Variants in MAGI2 observed in about 807,000 individuals in gnomAD.
MAGI2 encodes membrane associated guanylate kinase, WW and PDZ domain containing 2.
In MAGI2, 35 loss-of-function variants were observed where a neutral mutation model predicts 133.3. That is an observed-to-expected ratio of 0.26 (90% confidence interval 0.20 to 0.35). The LOEUF (loss-of-function observed/expected upper bound fraction) is 0.35, where lower values mean the gene tolerates loss of function less well. Ranked by LOEUF, MAGI2 falls within the 10% of genes least tolerant of loss-of-function variation. The probability of loss-of-function intolerance (pLI) is 1.00; values close to 1 mark genes in which losing one functional copy is unlikely to be tolerated. For missense variants in MAGI2, 1,636 were observed against 1,863.4 expected (o/e 0.88, Z 2.25); for synonymous variants, 729 against 710.6 (o/e 1.03, Z -0.41).
chr7:79,087,934 C>G (rs1239418301), intron 1 of MAGI2, among the ~76,000 whole-genome samples: 1 of 152,048 alleles, frequency 6.6e-6, no homozygotes, highest in South Asian at 2.1e-4. Context: ...TAGCGTGATG[C>G]CTCCAGCTTT....
chr7:78,808,325 C>T (rs1195778266), intron 2 of MAGI2, among the ~76,000 whole-genome samples: 1 of 152,028 alleles, frequency 6.6e-6, no homozygotes. Context: ...GGCATGATCT[C>T]GGCTCACTGC....
chr7:78,551,203 A>G (rs879304), intron 3 of MAGI2, among the ~76,000 whole-genome samples: 53,828 of 152,106 alleles, frequency 0.35, 11,725 homozygotes, highest in Non-Finnish European at 0.48. Context: ...ATCAGTATAT[A>G]TTAAATCCAC....
intron 1 of MAGI2, among the ~76,000 whole-genome samples, chr7:79,101,124 A>G (rs1817934567): frequency 6.6e-6 from 1 of 152,138 alleles, no homozygotes; most frequent in Non-Finnish European, 1.5e-5. Flanking sequence ...TTACAAAAAC[A>G]TTATACTTAT....
intron 2 of MAGI2, among the ~76,000 whole-genome samples, chr7:78,777,442 C>T (rs563238866): frequency 6.6e-6 from 1 of 152,214 alleles, no homozygotes; most frequent in South Asian, 2.1e-4. Flanking sequence ...ACCATCATCA[C>T]CACTACCACC....
intron 10 of MAGI2, among the ~76,000 whole-genome samples, chr7:78,223,286 T>A (rs1364955828): frequency 6.6e-6 from 1 of 152,214 alleles, no homozygotes; most frequent in African/African-American, 2.4e-5. Flanking sequence ...TCTTTCATTT[T>A]TCTTAAAATG....
chr7:79,287,246 T>A (rs761478077), intron 1 of MAGI2, among the ~76,000 whole-genome samples: 10 of 152,130 alleles, frequency 6.6e-5, no homozygotes, highest in South Asian at 6.2e-4. Flanking sequence ...CTCTCAAGTT[T>A]GGAAAGTTCT....
intron 6 of MAGI2, among the ~76,000 whole-genome samples, chr7:78,381,567 A>T (rs1794928216): frequency 6.6e-6 from 1 of 152,140 alleles, no homozygotes; most frequent in African/African-American, 2.4e-5. Context: ...AGTGATAAAG[A>T]GCTACTCTCC....
intron 2 of MAGI2, among the ~76,000 whole-genome samples, chr7:78,873,303 G>T (rs538384941): frequency 6.6e-6 from 1 of 152,298 alleles, no homozygotes; most frequent in East Asian, 1.9e-4. Context: ...GGCCTGTTAG[G>T]AATCTGGCTG....
At chr7:78,516,232 C>G (rs568740580) in intron 4 of MAGI2, among the ~76,000 whole-genome samples, 1 of 152,142 alleles carries the variant, frequency 6.6e-6, no homozygotes, top group African/African-American at 2.4e-5. Context: ...AATGGGAGCC[C>G]GTGCTAACAG....
chr7:78,653,700 A>G (rs1162424158), intron 2 of MAGI2, among the ~76,000 whole-genome samples: 1 of 151,872 alleles, frequency 6.6e-6, no homozygotes, highest in Non-Finnish European at 1.5e-5. Flanking sequence ...GGGTGCTGCA[A>G]ACCACCATGG....
chr7:78,926,027 A>G (rs1030043866), intron 2 of MAGI2, among the ~76,000 whole-genome samples: 1 of 151,936 alleles, frequency 6.6e-6, no homozygotes, highest in Non-Finnish European at 1.5e-5. Context: ...TTCATTTTGT[A>G]CATGTAAATC....
intron 2 of MAGI2, among the ~76,000 whole-genome samples, chr7:78,854,058 C>G (rs1448771066): frequency 2.0e-5 from 3 of 151,986 alleles, no homozygotes; most frequent in Admixed American, 2.0e-4. Flanking sequence ...ATCTACAATC[C>G]TTTCTGGGGA....
Position 78,418,622 on chromosome 7 carries a change from C to T in MAGI2, c.1046-49409G>A, listed in dbSNP as rs556919398. Among the ~76,000 whole-genome samples, 15 of 152,242 alleles carry T rather than the reference C, an allele frequency of 9.9e-5. No individual in the cohort carries two copies. The South Asian group carries it at 2.7e-3, about 27-fold the overall frequency. On this transcript the variant is annotated intron_variant, in intron 6 of 21. Coordinates refer to ENST00000354212, the MANE Select transcript of MAGI2 (RefSeq NM_012301.4). ...TGGTTAACTTAAATGTAAATAGCCA[C>T]ATGTGCCTAGCAGCTGCTCTTTTGG...
chr7:78,894,452 A>G (rs1312727965), intron 2 of MAGI2, among the ~76,000 whole-genome samples: 1 of 152,174 alleles, frequency 6.6e-6, no homozygotes, highest in Non-Finnish European at 1.5e-5. Context: ...ATTGGGGCCC[A>G]GGATTAAAAA....
intron 2 of MAGI2, among the ~76,000 whole-genome samples, chr7:78,866,932 T>G (rs968259029): frequency 6.6e-6 from 1 of 151,968 alleles, no homozygotes; most frequent in Non-Finnish European, 1.5e-5. Flanking sequence ...CAAAAACACA[T>G]GAAAAAATGC....
rs1316828084 is a variant in MAGI2, at chr7:78,703,548, T to C, written c.419-76309A>G. ...CATAACTCTGACTGTAAAGATAATA[T>C]GACTGTTCTAGATACAACAGTGGTT... On this transcript the variant is annotated intron_variant, in intron 2 of 21. Transcript: ENST00000354212. 2.0e-5 allele frequency among the ~76,000 whole-genome samples: 3 copies of C among 152,034 alleles called. No homozygotes were observed. In the East Asian group the frequency reaches 5.8e-4, roughly 29 times the overall value.
Position 78,562,583 on chromosome 7 carries a change from GATTC to G in MAGI2, c.539-40942_539-40939del, listed in dbSNP as rs370765687. ...TAAGTGACCCAAACTTAATCATCAT[GATTC>G]ATTCTTTTTCTCAGTGAAACAGGTA... On this transcript the variant is annotated intron_variant, in intron 3 of 21. Transcript: ENST00000354212. Among the ~76,000 whole-genome samples the G allele has an allele frequency of 2.9e-3, 436 of 152,290 alleles. 1 individual carries two copies. Among genetic ancestry groups the G allele is most frequent in the Middle Eastern group, 0.017 (5 of 294 alleles).
In MAGI2 at chr7:79,416,714, C is replaced by CTTTTTT. The variant is rs1434721644; in HGVS notation, c.301+36305_301+36306insAAAAAA. 3.6e-5 allele frequency among the ~76,000 whole-genome samples: 4 copies of CTTTTTT among 111,842 alleles called. No homozygotes were observed. The East Asian group carries it at 1.2e-3, about 34-fold the overall frequency. 73.4% of individuals were successfully genotyped at this position (111,842 alleles called of 152,430 possible). On this transcript the variant is annotated intron_variant, in intron 1 of 21. Coordinates refer to ENST00000354212, the MANE Select transcript of MAGI2 (RefSeq NM_012301.4). ...AGGTCCATTGTTTCTTTTTTCTTTT[C>CTTTTTT]TTTTCTTTTTCTTTTTCTTTTTTTT...
rs71844818 is a variant in MAGI2 at position 78,108,642 on chromosome 7, A to ATGTG, written c.3567+17048_3567+17051dup. Among the ~76,000 whole-genome samples the ATGTG allele has an allele frequency of 2.6e-3, 388 of 148,812 alleles. 3 individuals carry two copies. Among genetic ancestry groups the ATGTG allele is most frequent in the African/African-American group, 7.7e-3 (308 of 40,238 alleles). ...TCTCATTCTCTCTCTCTCTCTCTGT[A>ATGTG]TGTGTGTGTGTGTGTGTGTGTGTGT... On this transcript the variant is annotated intron_variant, in intron 20 of 21. Coordinates refer to ENST00000354212, the MANE Select transcript of MAGI2 (RefSeq NM_012301.4).
Sources: gnomAD v4.1 joint callset for allele counts (sites outside exome capture counted in the v4.1 genomes callset) on GRCh38, gnomAD v4.1.1 for gene constraint, MANE v1.5 for transcripts, NCBI Gene and HGNC (gene_info 2026-07-23, HGNC 2026-07-21) for gene names.